Variants in C8A observed in about 807,000 individuals in gnomAD.
C8A encodes the protein complement C8 alpha chain.
Under a neutral mutation model 65.3 loss-of-function variants are expected in C8A, and 67 were observed. That is an observed-to-expected ratio of 1.03 (90% CI 0.84 to 1.26). C8A has a LOEUF of 1.26. Among genes scored for constraint, C8A ranks in the 50% most tolerant of loss-of-function variants. The probability of loss-of-function intolerance (pLI) is 0.00; values close to 1 mark genes in which losing one functional copy is unlikely to be tolerated. For synonymous variants in C8A, 290 were observed against 259.4 expected (o/e 1.12, Z -1.13); for missense variants, 781 against 723.9 (o/e 1.08, Z -0.90).
intron 9 of C8A, 72 bp from the exon 10 acceptor site, chr1:56,912,331 T>C: frequency 7.0e-7 from 1 of 1,428,344 alleles, no homozygotes; most frequent in Non-Finnish European, 9.8e-7. Context: ...AGAAGCTTGG[T>C]GGCCGGTTCT....
At chr1:56,876,696 G>A (rs1644202196) in intron 4 of C8A, among the ~76,000 whole-genome samples, 1 of 151,956 alleles carries the variant, frequency 6.6e-6, no homozygotes, top group Non-Finnish European at 1.5e-5. Context: ...CTTTCCCATT[G>A]CTTACTTAAA....
At position 56,883,579 on chromosome 1, in the gene C8A, C is replaced by A. The variant is rs746534833; in HGVS notation, c.753C>A (p.Thr251=). Residue 251 remains threonine, a synonymous_variant, in exon 6 of 11, where the codon ACC becomes ACA. Transcript: ENST00000361249. ...ACAAGTCTGACTCATTTGGAGTGAC[C>A]ATCGGCATAGGCCCAGCCGGCAGCC... ...KKDKSDSFGV[T]IGIGPAGSPL... 6.2e-7 allele frequency: 1 copy of A among 1,613,792 alleles called. No individual in the cohort carries two copies. Among genetic ancestry groups the A allele is most frequent in the East Asian group, 2.2e-5 (1 of 44,854 alleles).
chr1:56,876,604 C>T (rs1006437990), intron 4 of C8A, among the ~76,000 whole-genome samples: 1 of 151,922 alleles, frequency 6.6e-6, no homozygotes, highest in African/African-American at 2.4e-5. Context: ...ACTGTAGATG[C>T]TTGCAATAAC....
At chr1:56,879,030 A>G (rs1328605984) in intron 4 of C8A, among the ~76,000 whole-genome samples, 7 of 152,240 alleles carry the variant, frequency 4.6e-5, no homozygotes, top group Non-Finnish European at 7.3e-5. Flanking sequence ...TTAGCAAACT[A>G]TGGCCTGAAG....
intron 6 of C8A, among the ~76,000 whole-genome samples, chr1:56,884,193 A>C (rs1034232377): frequency 6.6e-6 from 1 of 152,094 alleles, no homozygotes; most frequent in Non-Finnish European, 1.5e-5. Flanking sequence ...TCTAAAGATT[A>C]GTGCAAATTG....
rs74075649 is a variant in C8A at position 56,911,633 on chromosome 1, A to G, written c.1381-770A>G. On this transcript the variant is annotated intron_variant, in intron 9 of 10. Transcript: ENST00000361249. ...GAGACTCTGCTAAACAGCCTACAATACAAGGACAGCCCACTCCTGCCAGTA... is the reference window on the plus strand; with the variant it reads ...GAGACTCTGCTAAACAGCCTACAATGCAAGGACAGCCCACTCCTGCCAGTA... Among the ~76,000 whole-genome samples, 818 of 152,332 alleles carry G rather than the reference A, an allele frequency of 5.4e-3. 8 individuals carry two copies. The highest frequency in any genetic ancestry group is 0.019 in the African/African-American group (791 of 41,574).
intron 1 of C8A, among the ~76,000 whole-genome samples, chr1:56,861,152 C>G (rs1644029796): frequency 1.3e-5 from 2 of 152,044 alleles, no homozygotes; most frequent in Admixed American, 1.3e-4. Context: ...TATTGAGCAC[C>G]TATTATATGC....
In C8A at chr1:56,918,015, T is replaced by C. The variant is rs979095776; in HGVS notation, c.*299T>C. 2 of 298,312 alleles carry C rather than the reference T, an allele frequency of 6.7e-6. No homozygotes were observed. Among genetic ancestry groups the C allele is most frequent in the Non-Finnish European group, 1.3e-5 (2 of 158,342 alleles). 18.5% of individuals were successfully genotyped at this position (298,312 alleles called of 1,614,324 possible). On this transcript the variant is annotated 3_prime_UTR_variant, in exon 11 of 11. Coordinates refer to ENST00000361249, the MANE Select transcript of C8A (RefSeq NM_000562.3). ...AAAATAGAAAACTGAGAAAACTCAA[T>C]CCATGACCAGGGAGAACTTACAGGA...
chr1:56,872,226 C>A (rs1644152970), intron 2 of C8A, among the ~76,000 whole-genome samples: 3 of 152,130 alleles, frequency 2.0e-5, no homozygotes, highest in Admixed American at 2.0e-4. Flanking sequence ...ATTATAAGCA[C>A]AACATATTCA....
intron 7 of C8A, among the ~76,000 whole-genome samples, chr1:56,904,381 T>TA (rs1384789648): frequency 3.9e-5 from 6 of 152,210 alleles, no homozygotes; most frequent in African/African-American, 1.4e-4. Context: ...TCATTTAAGA[T>TA]ATGGCCCCCA....
chr1:56,886,303 G>C, intron 7 of C8A, 136 bp downstream of exon 7: 1 of 997,748 alleles, frequency 1.0e-6, no homozygotes, highest in East Asian at 2.4e-5. Context: ...GATAGCATAA[G>C]TATTATTACT....
At chr1:56,881,397 A>G in intron 4 of C8A, 48 bp from the exon 5 acceptor site, 1 of 1,594,042 alleles carries the variant, frequency 6.3e-7, no homozygotes, top group South Asian at 1.1e-5. Flanking sequence ...ACCCAGGTAT[A>G]AAACCCAGCA....
intron 1 of C8A, among the ~76,000 whole-genome samples, chr1:56,855,250 T>C (rs942216016): frequency 1.3e-5 from 2 of 152,176 alleles, no homozygotes; most frequent in Admixed American, 6.5e-5. Context: ...TCCCTAGCTG[T>C]AAAATGAGAA....
At chr1:56,884,655 T>G (rs1644275506) in intron 6 of C8A, among the ~76,000 whole-genome samples, 1 of 152,186 alleles carries the variant, frequency 6.6e-6, no homozygotes, top group South Asian at 2.1e-4. Flanking sequence ...CTCCTCTAAC[T>G]TCCATCATCA....
Position 56,915,789 on chromosome 1 carries a change from T to C in C8A, c.1604-1776T>C, listed in dbSNP as rs528121753. Among the ~76,000 whole-genome samples the C allele has an allele frequency of 2.6e-5, 4 of 152,234 alleles. No individual in the cohort carries two copies. The South Asian group carries it at 8.3e-4, about 32-fold the overall frequency. On this transcript the variant is annotated intron_variant, in intron 10 of 10. Transcript: ENST00000361249. ...GACAGGATTTGGACCCGGGACCCAA[T>C]CTCTTAAACATTACACCCTACTGAG...
intron 2 of C8A, among the ~76,000 whole-genome samples, chr1:56,873,503 C>T (rs1359375601): frequency 6.6e-6 from 1 of 152,242 alleles, no homozygotes; most frequent in East Asian, 1.9e-4. Context: ...AACTGCAGGA[C>T]ACAGGTGAAA....
chr1:56,883,730 G>A lies in C8A; in HGVS notation c.855+49G>A, dbSNP rs766877185. On this transcript the variant is annotated intron_variant, in intron 6 of 10. Coordinates refer to ENST00000361249, the MANE Select transcript of C8A (RefSeq NM_000562.3). Reference sequence around the variant, plus strand: ...CTCACAGTATTCCATAATATACACTGAACACGTATTACCTTAATTGCATTA... The same window carrying A: ...CTCACAGTATTCCATAATATACACTAAACACGTATTACCTTAATTGCATTA... 7 of 1,466,926 alleles carry A rather than the reference G, an allele frequency of 4.8e-6. No individual in the cohort carries two copies. The African/African-American group carries it at 6.9e-5, about 15-fold the overall frequency. 90.9% of individuals were successfully genotyped at this position (1,466,926 alleles called of 1,614,324 possible). A position where few individuals can be genotyped will look rare whatever the true frequency, so the allele number is the denominator to read the frequency against.
At chr1:56,886,822 G>A (rs1472156223) in intron 7 of C8A, among the ~76,000 whole-genome samples, 1 of 152,140 alleles carries the variant, frequency 6.6e-6, no homozygotes, top group Admixed American at 6.6e-5. Flanking sequence ...AAGACTATTA[G>A]CATCGACCAC....
chr1:56,876,191 C>T lies in C8A; in HGVS notation c.446C>T (p.Ser149Leu). 1 of 1,613,862 alleles carries T rather than the reference C, an allele frequency of 6.2e-7. No homozygotes were observed. Among genetic ancestry groups the T allele is most frequent in the Non-Finnish European group, 8.5e-7 (1 of 1,179,860 alleles). ...DCSQYEPIPG[S>L]QKAALGYNIL... ...AGCCAGTATGAACCAATTCCAGGATCACAGAAGGCAGCCTTGGGGTGAGGC... is the reference window on the plus strand; with the variant it reads ...AGCCAGTATGAACCAATTCCAGGATTACAGAAGGCAGCCTTGGGGTGAGGC... The change falls in exon 4 of 11, where the codon TCA becomes TTA. Residue 149 changes from serine (S) to leucine (L), a missense_variant. Ser to Leu is a moderately radical substitution (Grantham distance 145). Transcript: ENST00000361249.
Sources: gnomAD v4.1 joint callset for allele counts (sites outside exome capture counted in the v4.1 genomes callset) on GRCh38, gnomAD v4.1.1 for gene constraint, MANE v1.5 for transcripts, NCBI Gene and HGNC (gene_info 2026-07-23, HGNC 2026-07-21) for gene names.